The following PPIP5K2 variants were observed in gnomAD, a reference collection of about 807,000 sequenced individuals.
The protein encoded by PPIP5K2 is diphosphoinositol pentakisphosphate kinase 2, also known as inositol hexakisphosphate and diphosphoinositol-pentakisphosphate kinase 2.
In PPIP5K2, 105 loss-of-function variants were observed where a neutral mutation model predicts 154.6. The ratio of observed to expected loss-of-function variants is 0.68; its 90% CI spans 0.58 to 0.80. The LOEUF (loss-of-function observed/expected upper bound fraction) is 0.80. Ranked by LOEUF, PPIP5K2 falls within the 30% of genes least tolerant of loss-of-function variation. The probability of loss-of-function intolerance (pLI) is 0.00; values close to 1 mark genes in which losing one functional copy is unlikely to be tolerated. For synonymous variants in PPIP5K2, 480 were observed against 490.3 expected (o/e 0.98, Z 0.28); for missense variants, 992 against 1,504.6 (o/e 0.66, Z 5.64).
At chr5:103,147,777 A>G (rs571350619) in intron 6 of PPIP5K2, among the ~76,000 whole-genome samples, 154 bp from the exon 7 acceptor site, 1 of 152,156 alleles carries the variant, frequency 6.6e-6, no homozygotes, top group Non-Finnish European at 1.5e-5. Flanking sequence ...AGTGCCAAGT[A>G]TATAGTAAGT....
At position 103,195,006 on chromosome 5, in the gene PPIP5K2, T is replaced by C; in HGVS notation, c.3600T>C (p.Thr1200=). ...LPTPPATLKS[T]KASSKPATSG... is the part of the protein sequence containing the mutation. Reference sequence around the variant, plus strand: ...CACCACCAGCTACCTTAAAGAGCACTAAAGCAAGCAGCAAACCAGGTAAGG... The same window carrying C: ...CACCACCAGCTACCTTAAAGAGCACCAAAGCAAGCAGCAAACCAGGTAAGG... The change falls in exon 30 of 31, where the codon ACT becomes ACC. Residue 1200 remains threonine (T), a synonymous_variant. Transcript: ENST00000358359. 6.2e-7 allele frequency: 1 copy of C among 1,613,846 alleles called. No individual in the cohort carries two copies. The highest frequency in any genetic ancestry group is 8.5e-7 in the Non-Finnish European group (1 of 1,179,824).
chr5:103,158,585 T>A lies in PPIP5K2; in HGVS notation c.1737+12T>A, dbSNP rs1795761304. Reference sequence around the variant, plus strand: ...CTGCTTTTGCAAAGGTATAAATAATTTTTTTTTAGAATTATTAGAGTTTTT... The same window carrying A: ...CTGCTTTTGCAAAGGTATAAATAATATTTTTTTAGAATTATTAGAGTTTTT... On this transcript the variant is annotated intron_variant, in intron 16 of 30. Coordinates refer to ENST00000358359, the MANE Select transcript of PPIP5K2 (RefSeq NM_001276277.3). 1.3e-6 allele frequency: 2 copies of A among 1,558,340 alleles called. No homozygotes were observed. Among genetic ancestry groups the A allele is most frequent in the East Asian group, 4.6e-5 (2 of 43,828 alleles).
At chr5:103,131,368 T>G (rs1790577985) in intron 2 of PPIP5K2, among the ~76,000 whole-genome samples, 1 of 152,198 alleles carries the variant, frequency 6.6e-6, no homozygotes, top group Non-Finnish European at 1.5e-5. Flanking sequence ...AAATAGTTGT[T>G]ATACTGTATC....
At position 103,209,413 on chromosome 5, in the gene PPIP5K2, AG is replaced by A. The variant is rs1362791042; in HGVS notation, c.*7780del. The A allele has an allele frequency of 6.6e-6, 1 of 152,114 alleles. No homozygotes were observed. Among genetic ancestry groups the A allele is most frequent in the African/African-American group, 2.4e-5 (1 of 41,430 alleles). 9.4% of individuals were successfully genotyped at this position (152,114 alleles called of 1,614,324 possible). On this transcript the variant is annotated 3_prime_UTR_variant, in exon 31 of 31. Coordinates refer to ENST00000358359, the MANE Select transcript of PPIP5K2 (RefSeq NM_001276277.3). The stretch of plus-strand genomic sequence containing the variant: ...CCCAAAGCAGTGTTTAAAAAAAAAA[AG>A]TATTTAAATAAAATCAAGGATACCA...
At chr5:103,145,221 G>C (rs982090507) in intron 5 of PPIP5K2, among the ~76,000 whole-genome samples, 2 of 152,120 alleles carry the variant, frequency 1.3e-5, no homozygotes, top group African/African-American at 2.4e-5. Context: ...ACTCATCCAA[G>C]TTAAAATGGC....
In PPIP5K2 at chr5:103,149,293, A is replaced by G; in HGVS notation, c.886A>G (p.Lys296Glu). ...LNAREKLIAW[K>E]VCLAFKQTVC... Reference sequence around the variant, plus strand: ...TGCACGAGAGAAATTAATTGCTTGGAAAGTCTGCCTTGCTTTTAAGGTAAG... The same window carrying G: ...TGCACGAGAGAAATTAATTGCTTGGGAAGTCTGCCTTGCTTTTAAGGTAAG... The change falls in exon 8 of 31, where the codon AAA becomes GAA. Residue 296 changes from lysine to glutamate, a missense_variant. Transcript: ENST00000358359. The G allele has an allele frequency of 1.2e-6, 2 of 1,613,488 alleles. No homozygotes were observed. The highest frequency in any genetic ancestry group is 8.5e-7 in the Non-Finnish European group (1 of 1,179,614).
chr5:103,150,164 A>G (rs1247061810), intron 8 of PPIP5K2, among the ~76,000 whole-genome samples: 1 of 152,196 alleles, frequency 6.6e-6, no homozygotes, highest in Non-Finnish European at 1.5e-5. Flanking sequence ...CTTAAAGACT[A>G]GTATATATTA....
At chr5:103,193,879 A>G (rs1282705552) in intron 29 of PPIP5K2, among the ~76,000 whole-genome samples, 2 of 152,114 alleles carry the variant, frequency 1.3e-5, no homozygotes, top group Non-Finnish European at 2.9e-5. Context: ...CCTTGCCCAG[A>G]GGATTCCATA....
rs1354233781 is a variant in PPIP5K2 at position 103,159,324 on chromosome 5, A to T, written c.1916A>T (p.Glu639Val). The change falls in exon 17 of 31, where the codon GAA (glutamate) becomes GTA (valine). Residue 639 changes from glutamate (E) to valine (V), a missense_variant. Physicochemically the swap from Glu to Val is moderately radical, Grantham distance 121. Transcript: ENST00000358359. ...AGAGATTTTACTGCTGAAGATTATGAAAAGGTGGGTCTTAGCAAACTCTTA... is the reference window on the plus strand; with the variant it reads ...AGAGATTTTACTGCTGAAGATTATGTAAAGGTGGGTCTTAGCAAACTCTTA... ...KDRDFTAEDYEKLTPSGSISL... is the reference protein window; with the variant it reads ...KDRDFTAEDYVKLTPSGSISL... 6.2e-7 allele frequency: 1 copy of T among 1,603,880 alleles called. No individual in the cohort carries two copies. Among genetic ancestry groups the T allele is most frequent in the Non-Finnish European group, 8.5e-7 (1 of 1,176,374 alleles).
At chr5:103,163,357 T>C (rs1231238365) in intron 17 of PPIP5K2, among the ~76,000 whole-genome samples, 1 of 151,944 alleles carries the variant, frequency 6.6e-6, no homozygotes, top group Non-Finnish European at 1.5e-5. Context: ...TGTGCAATTA[T>C]AAATGGGCCC....
At chr5:103,172,162 A>C (rs1310803248) in intron 19 of PPIP5K2, among the ~76,000 whole-genome samples, 1 of 151,652 alleles carries the variant, frequency 6.6e-6, no homozygotes, top group Non-Finnish European at 1.5e-5. Context: ...TTTAATTCCA[A>C]CATTTTTCTT....
rs1580534092 is a variant in PPIP5K2, at chr5:103,206,834, C to G, written c.*5200C>G. On this transcript the variant is annotated 3_prime_UTR_variant, in exon 31 of 31. Transcript: ENST00000358359. Reference sequence around the variant, plus strand: ...AGTCCAGGCAGAGGAAATTGTTTCACTGCTAAGGAGCAATGAACAAAAGGT... The same window carrying G: ...AGTCCAGGCAGAGGAAATTGTTTCAGTGCTAAGGAGCAATGAACAAAAGGT... 1 of 152,258 alleles carries G rather than the reference C, an allele frequency of 6.6e-6. No homozygotes were observed. The highest frequency in any genetic ancestry group is 1.5e-5 in the Non-Finnish European group (1 of 68,068). 9.4% of individuals were successfully genotyped at this position (152,258 alleles called of 1,614,324 possible).
chr5:103,191,566 A>G (rs1801237957), intron 29 of PPIP5K2, among the ~76,000 whole-genome samples: 1 of 152,116 alleles, frequency 6.6e-6, no homozygotes, highest in Admixed American at 6.6e-5. Context: ...AGGTATAGCT[A>G]CATTAGCATA....
rs547262312 is a variant in PPIP5K2 at position 103,120,348 on chromosome 5, G to T, written c.-425G>T. On this transcript the variant is annotated 5_prime_UTR_variant, in exon 1 of 31. Transcript: ENST00000358359. ...TGTGGCCCTATAGCTGTTACTGAAG[G>T]AAGTAGCCTACGTCCACGCCTACAA... 8.4e-4 allele frequency: 380 copies of T among 453,398 alleles called. No homozygotes were observed. The highest frequency in any genetic ancestry group is 1.4e-3 in the Non-Finnish European group (317 of 224,662). The allele number at this position is 453,398 out of a possible 1,614,324, so 28.1% of individuals were successfully genotyped here.
Position 103,208,807 on chromosome 5 carries a change from C to T in PPIP5K2, c.*7173C>T, listed in dbSNP as rs1178316473. 2.0e-5 allele frequency: 3 copies of T among 152,102 alleles called. No individual in the cohort carries two copies. The highest frequency in any genetic ancestry group is 7.2e-5 in the African/African-American group (3 of 41,414). The allele number at this position is 152,102 out of a possible 1,614,324, so 9.4% of individuals were successfully genotyped here. The stretch of plus-strand genomic sequence containing the variant: ...TGGAGCTATCTGACCTTTACTGCAC[C>T]TGGCAGCTCTATCTCCTATTTTGGG... On this transcript the variant is annotated 3_prime_UTR_variant, in exon 31 of 31. Coordinates refer to ENST00000358359, the MANE Select transcript of PPIP5K2 (RefSeq NM_001276277.3).
intron 28 of PPIP5K2, 80 bp downstream of exon 28, chr5:103,187,456 A>G (rs1396597591): frequency 4.5e-6 from 5 of 1,101,004 alleles, no homozygotes; most frequent in Non-Finnish European, 6.5e-6. Context: ...AATGTGGGGT[A>G]TACAGTATCA....
At position 103,209,150 on chromosome 5, in the gene PPIP5K2, A is replaced by G. The variant is rs912459614; in HGVS notation, c.*7516A>G. The G allele has an allele frequency of 4.6e-5, 7 of 152,268 alleles. No homozygotes were observed. The highest frequency in any genetic ancestry group is 1.9e-4 in the East Asian group (1 of 5,180). The allele number at this position is 152,268 out of a possible 1,614,324, so 9.4% of individuals were successfully genotyped here. A position where few individuals can be genotyped will look rare whatever the true frequency, so the allele number is the denominator to read the frequency against. The stretch of plus-strand genomic sequence containing the variant: ...AAGTGAAGACCAAATTTGAAGGACT[A>G]TTTGTTTTTGTTGTAATAGAGTTGT... On this transcript the variant is annotated 3_prime_UTR_variant, in exon 31 of 31. Transcript: ENST00000358359.
At chr5:103,154,808 C>A (rs782759151) in intron 12 of PPIP5K2, 26 bp from the exon 13 acceptor site, 1 of 1,542,474 alleles carries the variant, frequency 6.5e-7, no homozygotes, top group South Asian at 1.3e-5. Context: ...CATAAAAATT[C>A]AATTTTTTAT....
intron 29 of PPIP5K2, among the ~76,000 whole-genome samples, chr5:103,194,367 T>C (rs1197409906): frequency 6.6e-6 from 1 of 152,188 alleles, no homozygotes; most frequent in African/African-American, 2.4e-5. Context: ...TTGCCCAGGC[T>C]GGTCTTGAAC....
Sources: gnomAD v4.1 joint callset for allele counts (sites outside exome capture counted in the v4.1 genomes callset) on GRCh38, gnomAD v4.1.1 for gene constraint, MANE v1.5 for transcripts, NCBI Gene and HGNC (gene_info 2026-07-23, HGNC 2026-07-21) for gene names.